The following IL1RAPL1 variants were observed in gnomAD, a reference collection of about 807,000 sequenced individuals.
IL1RAPL1 encodes the protein interleukin-1 receptor accessory protein-like 1.
Under a neutral mutation model 48.4 loss-of-function variants are expected in IL1RAPL1, and 3 were observed. That is an observed-to-expected ratio of 0.06 (90% CI 0.03 to 0.16). The LOEUF (loss-of-function observed/expected upper bound fraction) is 0.16, where lower values mean the gene tolerates loss of function less well. IL1RAPL1 is among the 10% of genes least tolerant of loss of function. IL1RAPL1 has a pLI of 1.00. For synonymous variants in IL1RAPL1, 185 were observed against 187.7 expected, an observed-to-expected ratio of 0.99 and a Z score of 0.12; for missense variants, 349 against 530.6, an observed-to-expected ratio of 0.66 and a Z score of 3.36.
In IL1RAPL1 at chrX:29,955,793, G is replaced by A. The variant is rs1445958085; in HGVS notation, c.2064G>A (p.Glu688=). The A allele has an allele frequency of 8.3e-7, 1 of 1,210,076 alleles. No homozygotes were observed. Among genetic ancestry groups the A allele is most frequent in the Non-Finnish European group, 1.1e-6 (1 of 894,273 alleles). The change falls in exon 11 of 11, where the codon GAG becomes GAA. Residue 688 remains glutamate, a synonymous_variant. Transcript: ENST00000378993. Reference sequence around the variant, plus strand: ...CCATCCTGCCGCTGTTGCCAAGGGAGACCAGTATATCCAGTGTGATATGGT... The same window carrying A: ...CCATCCTGCCGCTGTTGCCAAGGGAAACCAGTATATCCAGTGTGATATGGT... ...NSAILPLLPR[E]TSISSVIW
At chrX:29,030,984 G>T (rs1376239038) in intron 2 of IL1RAPL1, among the ~76,000 whole-genome samples, 1 of 111,429 alleles carries the variant, frequency 9.0e-6, no homozygotes, top group Non-Finnish European at 1.9e-5. Flanking sequence ...TTTAAAATGT[G>T]TTTAAAGCTA....
intron 5 of IL1RAPL1, among the ~76,000 whole-genome samples, chrX:29,593,364 T>C (rs1401675310): frequency 8.9e-6 from 1 of 111,959 alleles, no homozygotes; most frequent in Admixed American, 9.5e-5. Flanking sequence ...CGAATCCACT[T>C]TTAGAAGGAA....
At chrX:28,656,812 G>A (rs1934752961) in intron 1 of IL1RAPL1, among the ~76,000 whole-genome samples, 1 of 110,292 alleles carries the variant, frequency 9.1e-6, no homozygotes, top group East Asian at 2.9e-4. Context: ...GGATCACGAG[G>A]TCAGGAGATC....
At chrX:29,897,253 G>A (rs1441715952) in intron 6 of IL1RAPL1, among the ~76,000 whole-genome samples, 1 of 112,165 alleles carries the variant, frequency 8.9e-6, no homozygotes, top group Non-Finnish European at 1.9e-5. Context: ...GATTCAATTT[G>A]CCTCTCTACT....
At chrX:29,376,255 G>A (rs1933620684) in intron 3 of IL1RAPL1, among the ~76,000 whole-genome samples, 1 of 111,504 alleles carries the variant, frequency 9.0e-6, no homozygotes, top group Non-Finnish European at 1.9e-5. Flanking sequence ...CAGAGATTTT[G>A]ATAAGATATA....
rs1317171904 is a variant in IL1RAPL1 at position 29,304,172 on chromosome X, C to CT, written c.362+20965dup. ...CTTATGGAAAATAACTATTTTCTTG[C>CT]TTTTTTTTTTCCTCAAGAAAGCCTT... On this transcript the variant is annotated intron_variant, in intron 3 of 10. Transcript: ENST00000378993. Among the ~76,000 whole-genome samples the CT allele has an allele frequency of 2.8e-3, 297 of 106,894 alleles. 1 individual carries two copies. Among genetic ancestry groups the CT allele is most frequent in the African/African-American group, 8.9e-3 (263 of 29,504 alleles). 92.8% of individuals were successfully genotyped at this position (106,894 alleles called of 115,157 possible).
At chrX:29,388,106 C>CAAAAA (rs71862742) in intron 3 of IL1RAPL1, among the ~76,000 whole-genome samples, 53 of 51,664 alleles carry the variant, frequency 1.0e-3, no homozygotes, top group Admixed American at 2.4e-3. Flanking sequence ...AAGGTTAAGC[C>CAAAAA]AAAAAAAAAA....
At chrX:29,730,078 CT>C (rs1927877283) in intron 6 of IL1RAPL1, among the ~76,000 whole-genome samples, 1 of 111,817 alleles carries the variant, frequency 8.9e-6, no homozygotes, top group Non-Finnish European at 1.9e-5. Flanking sequence ...CACTTGCTGT[CT>C]TTTTAGGAAG....
intron 2 of IL1RAPL1, among the ~76,000 whole-genome samples, chrX:29,243,633 C>T (rs192341064): frequency 8.9e-6 from 1 of 112,101 alleles, no homozygotes; most frequent in East Asian, 2.8e-4. Flanking sequence ...ACTTTCTAAA[C>T]TTGTGATTCT....
In IL1RAPL1 at chrX:29,955,987, A is replaced by G. The variant is rs1933413481; in HGVS notation, c.*167A>G. ...ATGTTTTTTGGAATTTCTTTGTAGC[A>G]TCAGTGTCCTCCTGTTTTACCATGT... On this transcript the variant is annotated 3_prime_UTR_variant, in exon 11 of 11. Coordinates refer to ENST00000378993, the MANE Select transcript of IL1RAPL1 (RefSeq NM_014271.4). 1.9e-5 allele frequency: 9 copies of G among 476,089 alleles called. No homozygotes were observed. The highest frequency in any genetic ancestry group is 3.4e-5 in the Non-Finnish European group (9 of 264,764). 39.2% of individuals were successfully genotyped at this position (476,089 alleles called of 1,213,427 possible).
chrX:29,065,951 G>T (rs1927442960), intron 2 of IL1RAPL1, among the ~76,000 whole-genome samples: 1 of 110,999 alleles, frequency 9.0e-6, no homozygotes, highest in Non-Finnish European at 1.9e-5. Flanking sequence ...TTTAAATATG[G>T]TCTCCTTTAT....
intron 2 of IL1RAPL1, among the ~76,000 whole-genome samples, chrX:29,110,155 C>G (rs908472874): frequency 2.7e-5 from 3 of 111,974 alleles, no homozygotes; most frequent in Non-Finnish European, 5.6e-5. Context: ...TGCTGCCTTT[C>G]TTTATGTAAT....
chrX:29,323,726 T>TATATAATATATATATATATAAA (rs1932822160), intron 3 of IL1RAPL1, among the ~76,000 whole-genome samples: 2 of 3,755 alleles, frequency 5.3e-4, no homozygotes, highest in African/African-American at 2.9e-3. Flanking sequence ...TATATATATA[T>TATATAATATATATATATATAAA]ATATATATAT....
chrX:29,566,939 G>T (rs1038648460), intron 5 of IL1RAPL1, among the ~76,000 whole-genome samples: 1 of 111,624 alleles, frequency 9.0e-6, no homozygotes, highest in Non-Finnish European at 1.9e-5. Flanking sequence ...GAGGCAAAGA[G>T]ATCTTAAAAA....
intron 6 of IL1RAPL1, among the ~76,000 whole-genome samples, chrX:29,865,244 C>T (rs1000172355): frequency 3.6e-5 from 4 of 111,720 alleles, no homozygotes; most frequent in Non-Finnish European, 7.5e-5. Flanking sequence ...CACAGAGAAA[C>T]AAACAAGTGG....
chrX:29,115,585 G>A (rs950431779), intron 2 of IL1RAPL1, among the ~76,000 whole-genome samples: 14 of 107,293 alleles, frequency 1.3e-4, no homozygotes, highest in African/African-American at 4.4e-4. Flanking sequence ...TCTTTAGCTC[G>A]TATCCTCAAG....
intron 5 of IL1RAPL1, among the ~76,000 whole-genome samples, chrX:29,549,423 C>G (rs942459509): frequency 9.0e-6 from 1 of 111,291 alleles, no homozygotes; most frequent in African/African-American, 3.3e-5. Context: ...TGCCGGCATA[C>G]TGTTGTAATT....
At chrX:29,760,111 G>A (rs1928720196) in intron 6 of IL1RAPL1, among the ~76,000 whole-genome samples, 1 of 111,867 alleles carries the variant, frequency 8.9e-6, no homozygotes, top group Admixed American at 9.5e-5. Context: ...TATAGCAGGA[G>A]CTCTTAATCC....
chrX:29,720,783 C>T (rs1927619738), intron 6 of IL1RAPL1, among the ~76,000 whole-genome samples: 1 of 111,540 alleles, frequency 9.0e-6, no homozygotes, highest in Non-Finnish European at 1.9e-5. Flanking sequence ...AACAAACAAA[C>T]AGAAAAACAG....
Sources: allele counts gnomAD v4.1 joint callset (sites outside exome capture counted in the v4.1 genomes callset), GRCh38; gene constraint gnomAD v4.1.1; transcripts MANE v1.5; gene names NCBI Gene and HGNC (gene_info 2026-07-23, HGNC 2026-07-21).